Variants in CDKL1 observed in about 807,000 individuals in gnomAD.
CDKL1 encodes the protein cyclin dependent kinase like 1, also known as cyclin-dependent kinase-like 1.
Under a neutral mutation model 42.0 loss-of-function variants are expected in CDKL1, and 41 were observed. The observed-to-expected ratio is 0.98, with a 90% CI of 0.76 to 1.27. The LOEUF (loss-of-function observed/expected upper bound fraction) is 1.27. CDKL1 is among the 50% of genes most tolerant of loss of function. The probability of loss-of-function intolerance (pLI) is 0.00; values close to 1 mark genes in which losing one functional copy is unlikely to be tolerated. For synonymous variants in CDKL1, 153 were observed against 158.6 expected (o/e 0.96, Z 0.26); for missense variants, 394 against 428.4 (o/e 0.92, Z 0.71).
chr14:50,382,563 T>G, intron 2 of CDKL1, among the ~76,000 whole-genome samples: 1 of 145,036 alleles, frequency 6.9e-6, no homozygotes, highest in East Asian at 2.1e-4. Context: ...CTTCCTTCCC[T>G]CCCTCCCTCC....
At chr14:50,343,154 A>AATTTTTTTT in intron 4 of CDKL1, 1 of 265,292 alleles carries the variant, frequency 3.8e-6, no homozygotes, top group South Asian at 3.4e-5. Context: ...ATTAAGAGTT[A>AATTTTTTTT]CTTTTTTTTT....
intron 6 of CDKL1, among the ~76,000 whole-genome samples, chr14:50,340,134 G>A (rs898713292): frequency 6.6e-6 from 1 of 152,102 alleles, no homozygotes; most frequent in African/African-American, 2.4e-5. Context: ...AATCACTAGA[G>A]GAAACACAGC....
At chr14:50,353,553 C>T (rs117159624) in intron 3 of CDKL1, among the ~76,000 whole-genome samples, 3,295 of 152,016 alleles carry the variant, frequency 0.022, 49 homozygotes, top group Non-Finnish European at 0.033. Context: ...GAAATATTTA[C>T]GAAAATGGTT....
At chr14:50,382,930 GTTTTTT>G (rs35801058) in intron 2 of CDKL1, among the ~76,000 whole-genome samples, 1 of 140,920 alleles carries the variant, frequency 7.1e-6, no homozygotes. Context: ...ACAGTTTTTT[GTTTTTT>G]TTTTTTTTTG....
chr14:50,341,284 A>G (rs1469629212), intron 5 of CDKL1, 52 bp from the exon 6 acceptor site: 2 of 1,541,638 alleles, frequency 1.3e-6, no homozygotes, highest in Non-Finnish European at 1.8e-6. Context: ...GCTGGAATCA[A>G]AACTGAGGGG....
At chr14:50,372,419 G>A (rs766716833) in intron 2 of CDKL1, among the ~76,000 whole-genome samples, 25 of 152,160 alleles carry the variant, frequency 1.6e-4, no homozygotes, top group Non-Finnish European at 2.8e-4. Context: ...CACCCGGCCC[G>A]AGTTCATTAT....
intron 9 of CDKL1, 66 bp from the exon 10 acceptor site, chr14:50,330,247 A>G (rs1013728723): frequency 8.0e-5 from 124 of 1,549,516 alleles, no homozygotes; most frequent in Non-Finnish European, 1.0e-4. Flanking sequence ...TATTTAGAAT[A>G]TATCACAAAA....
intron 2 of CDKL1, among the ~76,000 whole-genome samples, chr14:50,372,099 T>C (rs2034606434): frequency 6.6e-6 from 1 of 152,124 alleles, no homozygotes; most frequent in Non-Finnish European, 1.5e-5. Context: ...ATGTTTTGGG[T>C]ATTTTTGTTT....
At chr14:50,367,602 G>A (rs553684428) in intron 2 of CDKL1, among the ~76,000 whole-genome samples, 2 of 152,198 alleles carry the variant, frequency 1.3e-5, no homozygotes, top group Non-Finnish European at 2.9e-5. Context: ...ACTGTTACAG[G>A]CTTACCCAAC....
At chr14:50,331,760 A>C in intron 9 of CDKL1, 1 of 445,658 alleles carries the variant, frequency 2.2e-6, no homozygotes, top group Non-Finnish European at 4.0e-6. Context: ...TGCAGTTTGG[A>C]TGCTGTTCTC....
chr14:50,390,088 C>G, intron 2 of CDKL1: 1 of 1,131,072 alleles, frequency 8.8e-7, no homozygotes, highest in Non-Finnish European at 1.2e-6. Context: ...AACAATGATA[C>G]TTGGCAGTTT....
rs1032726634 is a variant in CDKL1 at position 50,396,326 on chromosome 14, G to A, written c.-458C>T. ...CCACCCAACGATGAGTGTTTGTCAC[G>A]GTCCTAGAACAGAACAGCACATGTT... On this transcript the variant is annotated 5_prime_UTR_variant, in exon 2 of 10. Coordinates refer to ENST00000395834, the MANE Select transcript of CDKL1 (RefSeq NM_004196.7). The A allele has an allele frequency of 3.4e-5, 34 of 1,008,500 alleles. No homozygotes were observed. Among genetic ancestry groups the A allele is most frequent in the Non-Finnish European group, 4.0e-5 (34 of 845,246 alleles). 62.5% of individuals were successfully genotyped at this position (1,008,500 alleles called of 1,614,324 possible). A position where few individuals can be genotyped will look rare whatever the true frequency, so the allele number is the denominator to read the frequency against.
chr14:50,381,955 C>A (rs916853054), intron 2 of CDKL1, among the ~76,000 whole-genome samples: 1 of 152,050 alleles, frequency 6.6e-6, no homozygotes, highest in South Asian at 2.1e-4. Flanking sequence ...AAATTCTTAA[C>A]CTTTCATTAT....
chr14:50,376,949 A>G (rs775892844), intron 2 of CDKL1, among the ~76,000 whole-genome samples: 27 of 152,204 alleles, frequency 1.8e-4, no homozygotes, highest in Non-Finnish European at 3.8e-4. Flanking sequence ...TGATAAATGA[A>G]AAAAGATCTG....
chr14:50,359,263 G>C, intron 2 of CDKL1, 114 bp from the exon 3 acceptor site: 1 of 1,219,926 alleles, frequency 8.2e-7, no homozygotes, highest in Non-Finnish European at 1.1e-6. Context: ...TTCTTAGATT[G>C]AAGGAGGCTG....
chr14:50,353,680 T>G (rs1392903691), intron 3 of CDKL1, among the ~76,000 whole-genome samples: 1 of 152,078 alleles, frequency 6.6e-6, no homozygotes, highest in African/African-American at 2.4e-5. Flanking sequence ...TATACAGCCA[T>G]TTTTAAAATA....
At chr14:50,391,630 G>A (rs10137311) in intron 2 of CDKL1, among the ~76,000 whole-genome samples, 151 of 152,022 alleles carry the variant, frequency 9.9e-4, no homozygotes, top group Middle Eastern at 3.4e-3. Flanking sequence ...TGATCCGCCC[G>A]TCTCAGCCTC....
chr14:50,331,606 A>C, intron 9 of CDKL1: 1 of 186,676 alleles, frequency 5.4e-6, no homozygotes, highest in Non-Finnish European at 1.1e-5. Context: ...CTTAAGGAGT[A>C]CCTAGGTAGA....
chr14:50,396,470 T>C (rs1595390257), intron 1 of CDKL1, 141 bp from the exon 2 acceptor site: 1 of 984,422 alleles, frequency 1.0e-6, no homozygotes. Flanking sequence ...TAAGTTAAAA[T>C]GTAACTTGCC....
Sources: gnomAD v4.1 joint callset for allele counts (sites outside exome capture counted in the v4.1 genomes callset) on GRCh38, gnomAD v4.1.1 for gene constraint, MANE v1.5 for transcripts, NCBI Gene and HGNC (gene_info 2026-07-23, HGNC 2026-07-21) for gene names.